PCDHA3: variants seen among roughly 807,000 people sequenced by gnomAD.
PCDHA3 encodes protocadherin alpha-3.
A neutral mutation model predicts 62.2 loss-of-function variants in PCDHA3; 41 were observed. The observed-to-expected ratio is 0.66, with a 90% confidence interval of 0.51 to 0.86. The LOEUF (loss-of-function observed/expected upper bound fraction) is 0.86, where lower values mean the gene tolerates loss of function less well. PCDHA3 is among the 40% of genes least tolerant of loss of function. The pLI is 0.00. For missense variants in PCDHA3, 1,304 were observed against 1,241.2 expected (o/e 1.05, Z -0.76); for synonymous variants, 640 against 555.4 (o/e 1.15, Z -2.14).
chr5:140,929,074 G>T, intron 1 of PCDHA3: 2 of 1,614,182 alleles, frequency 1.2e-6, no homozygotes, highest in South Asian at 2.2e-5. Flanking sequence ...TCTGAGGTAT[G>T]GAAGTAAGAT....
At chr5:140,804,796 G>T in intron 1 of PCDHA3, 1 of 289,060 alleles carries the variant, frequency 3.5e-6, no homozygotes. Flanking sequence ...TACCACTGGA[G>T]AGAAATAGTA....
At chr5:140,857,110 G>C in intron 1 of PCDHA3, 1 of 1,597,820 alleles carries the variant, frequency 6.3e-7, no homozygotes. Flanking sequence ...TCACTTCTCT[G>C]TCTCTCCCAG....
rs549880473 is a variant in PCDHA3, at chr5:140,972,926, T to C, written c.2395-6023T>C. Among the ~76,000 whole-genome samples the C allele has an allele frequency of 9.2e-5, 14 of 152,264 alleles. No individual in the cohort carries two copies. The East Asian group carries it at 2.7e-3, about 29-fold the overall frequency. On this transcript the variant is annotated intron_variant, in intron 1 of 3. Coordinates refer to ENST00000522353, the MANE Select transcript of PCDHA3 (RefSeq NM_018906.3). ...ATCCACCCGCCTTGGCCTCCCAAAG[T>C]GCTGGGATTACAGATGTGAGCCACC...
intron 1 of PCDHA3, chr5:140,808,534 C>T (rs782551225): frequency 2.3e-5 from 37 of 1,614,028 alleles, no homozygotes; most frequent in Non-Finnish European, 3.1e-5. Context: ...CTGATGTGAA[C>T]GACAACGCTC....
intron 1 of PCDHA3, among the ~76,000 whole-genome samples, chr5:140,837,527 T>C (rs925860882): frequency 1.3e-5 from 2 of 151,856 alleles, no homozygotes; most frequent in African/African-American, 2.4e-5. Flanking sequence ...TTTTTTTGTA[T>C]ATTCCCAAGA....
At chr5:140,974,827 G>T (rs1356890991) in intron 1 of PCDHA3, among the ~76,000 whole-genome samples, 1 of 152,182 alleles carries the variant, frequency 6.6e-6, no homozygotes. Context: ...GCAACATAAT[G>T]ATTATTTTAA....
Position 141,010,329 on chromosome 5 carries a change from G to A in PCDHA3, c.*392G>A. The A allele has an allele frequency of 6.5e-7, 1 of 1,538,672 alleles. No individual in the cohort carries two copies. Among genetic ancestry groups the A allele is most frequent in the Non-Finnish European group, 8.8e-7 (1 of 1,142,532 alleles). On this transcript the variant is annotated 3_prime_UTR_variant, in exon 4 of 4. Transcript: ENST00000522353. ...AGTTTTGAGATTGAGCAGCTTGGGA[G>A]TTTGTGGCCACTGGGTATGTGTGGC...
intron 1 of PCDHA3, chr5:140,807,099 G>T: frequency 1.4e-6 from 2 of 1,404,386 alleles, no homozygotes; most frequent in Non-Finnish European, 2.0e-6. Context: ...AAATATGGAG[G>T]ATGCAGCTGC....
chr5:140,984,230 A>C (rs1329517544), intron 3 of PCDHA3, among the ~76,000 whole-genome samples: 1 of 152,112 alleles, frequency 6.6e-6, no homozygotes, highest in Non-Finnish European at 1.5e-5. Flanking sequence ...GCTCTTATGG[A>C]GGCATTGTAG....
Position 140,848,697 on chromosome 5 carries a change from T to C in PCDHA3, c.2394+45106T>C. ...GGTGCCGCGCCTGTTCCAGTTGGAT[T>C]CCAAAGGCCGCGGGGACCTTCTGGA... On this transcript the variant is annotated intron_variant, in intron 1 of 3. Coordinates refer to ENST00000522353, the MANE Select transcript of PCDHA3 (RefSeq NM_018906.3). 11 of 1,592,356 alleles carry C rather than the reference T, an allele frequency of 6.9e-6. 1 individual carries two copies. The highest frequency in any genetic ancestry group is 9.5e-6 in the Non-Finnish European group (11 of 1,163,328).
intron 1 of PCDHA3, among the ~76,000 whole-genome samples, chr5:140,924,898 AAAAAAAATAAAAT>A (rs1214088536): frequency 1.9e-4 from 10 of 53,034 alleles, no homozygotes; most frequent in Non-Finnish European, 1.3e-4. Context: ...CTGTCTCAAA[AAAAAAAATAAAAT>A]AAAATAAAAT....
At chr5:140,882,385 A>G in intron 1 of PCDHA3, 1 of 1,614,234 alleles carries the variant, frequency 6.2e-7, no homozygotes, top group Non-Finnish European at 8.5e-7. Flanking sequence ...CCGAGGAAGC[A>G]AAACACGGCA....
chr5:140,966,341 G>T, intron 1 of PCDHA3: 1 of 396,732 alleles, frequency 2.5e-6, no homozygotes, highest in Non-Finnish European at 4.4e-6. Context: ...CAGGTCCAGG[G>T]TGAAGGAGAT....
intron 1 of PCDHA3, chr5:140,851,593 C>A (rs1200692770): frequency 1.1e-6 from 1 of 916,458 alleles, no homozygotes; most frequent in Non-Finnish European, 1.3e-6. Context: ...TTTTGAAATT[C>A]AGTTTACAGA....
chr5:140,957,879 G>T (rs2095393633), intron 1 of PCDHA3, among the ~76,000 whole-genome samples: 1 of 151,960 alleles, frequency 6.6e-6, no homozygotes, highest in Non-Finnish European at 1.5e-5. Flanking sequence ...GTGCTGAAAA[G>T]CTGAAGTTGG....
At chr5:140,839,943 G>A (rs1281845453) in intron 1 of PCDHA3, among the ~76,000 whole-genome samples, 2 of 151,554 alleles carry the variant, frequency 1.3e-5, no homozygotes, top group East Asian at 3.9e-4. Flanking sequence ...TGCCAAGAAG[G>A]AGACAACATA....
chr5:140,918,633 A>G (rs2078785997), intron 1 of PCDHA3, among the ~76,000 whole-genome samples: 1 of 152,242 alleles, frequency 6.6e-6, no homozygotes, highest in Non-Finnish European at 1.5e-5. Flanking sequence ...CCCCAAATTC[A>G]TAAATTGAAA....
Position 140,802,178 on chromosome 5 carries a change from T to A in PCDHA3, c.981T>A (p.Asn327Lys). 6.2e-7 allele frequency: 1 copy of A among 1,614,114 alleles called. No individual in the cohort carries two copies. Among genetic ancestry groups the A allele is most frequent in the Non-Finnish European group, 8.5e-7 (1 of 1,180,014 alleles). ...EIQVEATDKG[N>K]PPMSDHCTVL... ...AGGTAGAAGCCACGGATAAAGGAAA[T>A]CCCCCAATGTCAGATCACTGCACAG... The change falls in exon 1 of 4, where the codon AAT becomes AAA. Residue 327 changes from asparagine to lysine, a missense_variant. By Grantham distance (94) the Asn-to-Lys change is moderately conservative (BLOSUM62 0). Coordinates refer to ENST00000522353, the MANE Select transcript of PCDHA3 (RefSeq NM_018906.3).
intron 1 of PCDHA3, chr5:140,927,032 C>T: frequency 6.2e-7 from 1 of 1,612,120 alleles, no homozygotes; most frequent in Non-Finnish European, 8.5e-7. Context: ...AGGCTGCCAG[C>T]GGCCGCTATG....
Sources: gnomAD v4.1 joint callset for allele counts (sites outside exome capture counted in the v4.1 genomes callset) on GRCh38, gnomAD v4.1.1 for gene constraint, MANE v1.5 for transcripts, NCBI Gene and HGNC (gene_info 2026-07-23, HGNC 2026-07-21) for gene names.